Variants in TAS2R1 observed in about 807,000 individuals in gnomAD.
TAS2R1 encodes the protein taste receptor type 2 member 1.
For missense variants in TAS2R1, 370 were observed against 353.4 expected (o/e 1.05, Z -0.38); for synonymous variants, 141 against 134.2 (o/e 1.05, Z -0.35).
chr5:9,721,553 T>C, the TAS2R1 span, among the ~76,000 whole-genome samples: 2 of 152,212 alleles, frequency 1.3e-5, no homozygotes, highest in African/African-American at 4.8e-5. Context: ...ATCATCATCA[T>C]TTGCAGCATT....
chr5:9,894,847 T>C, the TAS2R1 span, among the ~76,000 whole-genome samples: 14,590 of 152,310 alleles, frequency 0.096, 699 homozygotes, highest in African/African-American at 0.099. Context: ...TTGGCCAAGA[T>C]ACAAAGCAAA....
Position 9,629,180 on chromosome 5 carries a change from T to C in TAS2R1, c.853A>G (p.Lys285Glu), listed in dbSNP as rs1739816297. 2 of 1,588,596 alleles carry C rather than the reference T, an allele frequency of 1.3e-6. No homozygotes were observed. Among genetic ancestry groups the C allele is most frequent in the Non-Finnish European group, 1.7e-6 (2 of 1,170,442 alleles). The change falls in exon 1 of 1, where the codon AAA (lysine) becomes GAA (glutamate). Residue 285 changes from lysine (K) to glutamate (E), a missense_variant. By Grantham distance (56) the Lys-to-Glu change is moderately conservative. Coordinates refer to ENST00000382492, the MANE Select transcript of TAS2R1 (RefSeq NM_019599.3). ...AGGAGGAACTTTTTTGCATTTTGTT[T>C]CAATTTAGGATTTCCTAAAATTAAG... The part of the protein sequence containing the change: ...LILILGNPKL[K>E]QNAKKFLLHS...
At chr5:9,722,295 G>T in the TAS2R1 span, among the ~76,000 whole-genome samples, 5 of 152,190 alleles carry the variant, frequency 3.3e-5, no homozygotes, top group Non-Finnish European at 7.3e-5. Flanking sequence ...ACTGTGCCCA[G>T]ATTCCTGACC....
At chr5:9,699,442 C>T (rs1297360749) in intron 1 of TAS2R1, among the ~76,000 whole-genome samples, 1 of 152,180 alleles carries the variant, frequency 6.6e-6, no homozygotes, top group Non-Finnish European at 1.5e-5. Flanking sequence ...AAATGATACA[C>T]TTCTATTTTA....
the TAS2R1 span, among the ~76,000 whole-genome samples, chr5:9,748,689 C>T: frequency 1.3e-5 from 2 of 152,166 alleles, no homozygotes; most frequent in African/African-American, 4.8e-5. Context: ...AGAACTCATT[C>T]ACCCCAGAGG....
At chr5:9,830,835 C>T in the TAS2R1 span, among the ~76,000 whole-genome samples, 1 of 152,276 alleles carries the variant, frequency 6.6e-6, no homozygotes, top group Middle Eastern at 3.4e-3. Context: ...AAAGATCATC[C>T]AGTTTGACAC....
At chr5:9,837,138 G>A in the TAS2R1 span, among the ~76,000 whole-genome samples, 3 of 152,144 alleles carry the variant, frequency 2.0e-5, no homozygotes, top group Non-Finnish European at 4.4e-5. Context: ...TAGGAAAATA[G>A]AAATATTGGA....
In TAS2R1 at chr5:9,671,307, G is replaced by T. The variant is rs112460007; in HGVS notation, c.-241-11726C>A. ...TTCTAGCCAGAAAAATCAGGCAAGA[G>T]AAATAAAGAAAAGCCATCCAAATAG... On this transcript the variant is annotated intron_variant, in intron 1 of 2. Coordinates refer to the TAS2R1 transcript ENST00000506620. Among the ~76,000 whole-genome samples, 1,214 of 152,194 alleles carry T rather than the reference G, an allele frequency of 8.0e-3. 12 individuals are homozygous for T. The highest frequency in any genetic ancestry group is 0.027 in the African/African-American group (1,139 of 41,550).
At chr5:9,838,003 TCAGTTGGATCACATCA>T in the TAS2R1 span, among the ~76,000 whole-genome samples, 1 of 152,204 alleles carries the variant, frequency 6.6e-6, no homozygotes, top group Non-Finnish European at 1.5e-5. Flanking sequence ...CATTGCTTCC[TCAGTTGGATCACATCA>T]CAGAGCAAGC....
At chr5:9,851,380 A>C in the TAS2R1 span, among the ~76,000 whole-genome samples, 1 of 152,124 alleles carries the variant, frequency 6.6e-6, no homozygotes, top group Non-Finnish European at 1.5e-5. Context: ...AAAAGCCTAA[A>C]ATTGACAAAG....
the TAS2R1 span, among the ~76,000 whole-genome samples, chr5:9,789,340 A>T: frequency 6.6e-6 from 1 of 152,340 alleles, no homozygotes; most frequent in African/African-American, 2.4e-5. Context: ...TGAAGGATAT[A>T]CATACAGAGT....
At chr5:9,690,925 G>A (rs2126517617) in intron 1 of TAS2R1, among the ~76,000 whole-genome samples, 1 of 152,218 alleles carries the variant, frequency 6.6e-6, no homozygotes, top group Admixed American at 6.5e-5. Flanking sequence ...TCTGAACACA[G>A]TCCATTCAAA....
At chr5:9,881,639 G>T in the TAS2R1 span, among the ~76,000 whole-genome samples, 5 of 152,102 alleles carry the variant, frequency 3.3e-5, no homozygotes, top group Non-Finnish European at 5.9e-5. Flanking sequence ...AAAACAGTAT[G>T]GTACTGGTAC....
chr5:9,727,941 T>G, the TAS2R1 span, among the ~76,000 whole-genome samples: 1 of 152,110 alleles, frequency 6.6e-6, no homozygotes, highest in African/African-American at 2.4e-5. Flanking sequence ...TGGGTATGAA[T>G]GCAGGGCAGT....
intron 1 of TAS2R1, among the ~76,000 whole-genome samples, chr5:9,660,620 G>T (rs569164145): frequency 1.2e-3 from 179 of 152,232 alleles, no homozygotes; most frequent in Admixed American, 4.8e-3. Flanking sequence ...GTCCCCCTTG[G>T]ATATCCCTGT....
chr5:9,826,847 C>T, the TAS2R1 span, among the ~76,000 whole-genome samples: 3 of 152,120 alleles, frequency 2.0e-5, no homozygotes, highest in South Asian at 2.1e-4. Flanking sequence ...CATGGATCCA[C>T]ACCCCTTGAT....
chr5:9,892,159 C>T, the TAS2R1 span, among the ~76,000 whole-genome samples: 1 of 152,136 alleles, frequency 6.6e-6, no homozygotes, highest in Admixed American at 6.5e-5. Context: ...TATTTCTTTA[C>T]TTTTTATCCT....
chr5:9,790,775 C>T, the TAS2R1 span, among the ~76,000 whole-genome samples: 2 of 152,132 alleles, frequency 1.3e-5, no homozygotes, highest in Admixed American at 6.5e-5. Context: ...ATTACAGTCA[C>T]TCGCTACCAC....
At chr5:9,889,843 C>T in the TAS2R1 span, 2 of 152,162 alleles carry the variant, frequency 1.3e-5, no homozygotes, top group Non-Finnish European at 2.9e-5. Flanking sequence ...GGTCTCAGAC[C>T]TGAAACCAGA....
Sources: gnomAD v4.1 joint callset for allele counts (sites outside exome capture counted in the v4.1 genomes callset) on GRCh38, gnomAD v4.1.1 for gene constraint, MANE v1.5 for transcripts, NCBI Gene and HGNC (gene_info 2026-07-23, HGNC 2026-07-21) for gene names.